Variants in DPY19L3 observed in about 807,000 individuals in gnomAD.
The protein encoded by DPY19L3 is dpy-19 like C-mannosyltransferase 3.
DPY19L3 carries 51 observed loss-of-function variants against 92.3 expected under a neutral mutation model. The observed-to-expected ratio is 0.55, with a 90% CI of 0.44 to 0.70. DPY19L3 has a LOEUF of 0.70. Among genes scored for constraint, DPY19L3 ranks in the 30% least tolerant of loss-of-function variants. The pLI, the probability that DPY19L3 is intolerant of heterozygous loss-of-function variation, is 0.00. For missense variants in DPY19L3, 706 were observed against 855.9 expected, an observed-to-expected ratio of 0.82 and a Z score of 2.18; for synonymous variants, 309 against 315.2, an observed-to-expected ratio of 0.98 and a Z score of 0.21.
chr19:32,429,718 A>G (rs1331725514), intron 3 of DPY19L3, among the ~76,000 whole-genome samples: 5 of 152,122 alleles, frequency 3.3e-5, no homozygotes, highest in Non-Finnish European at 1.5e-5. Flanking sequence ...GGATTTTCAC[A>G]CTCCTCAAGT....
chr19:32,460,693 C>G (rs1304816930), intron 12 of DPY19L3, among the ~76,000 whole-genome samples: 3 of 152,124 alleles, frequency 2.0e-5, no homozygotes. Flanking sequence ...CTTACGAATC[C>G]ACTGTGGTAT....
intron 3 of DPY19L3, among the ~76,000 whole-genome samples, chr19:32,425,359 G>A (rs996449221): frequency 2.0e-5 from 3 of 151,826 alleles, no homozygotes; most frequent in South Asian, 2.1e-4. Flanking sequence ...AAGACCAGCC[G>A]GGCCAAAATA....
chr19:32,451,564 A>T (rs962148811), intron 8 of DPY19L3, among the ~76,000 whole-genome samples: 39 of 152,212 alleles, frequency 2.6e-4, no homozygotes, highest in Non-Finnish European at 8.8e-5. Flanking sequence ...GAACAAAACC[A>T]TGGGGATAAT....
chr19:32,413,563 T>C (rs1968268871), intron 3 of DPY19L3, among the ~76,000 whole-genome samples: 1 of 151,958 alleles, frequency 6.6e-6, no homozygotes, highest in African/African-American at 2.4e-5. Context: ...ACTCGTCATC[T>C]AGCATTAGGT....
intron 8 of DPY19L3, among the ~76,000 whole-genome samples, chr19:32,441,488 G>T (rs1295840833): frequency 1.5e-5 from 2 of 131,740 alleles, no homozygotes; most frequent in Non-Finnish European, 3.1e-5. Context: ...TAATGAACAT[G>T]TGTCTCTTTT....
At chr19:32,407,268 C>CG (rs1035691159) in intron 1 of DPY19L3, among the ~76,000 whole-genome samples, 1 of 123,266 alleles carries the variant, frequency 8.1e-6, no homozygotes, top group Non-Finnish European at 1.8e-5. Context: ...TCCTGCTCCC[C>CG]CCCACCCATT....
At chr19:32,467,757 G>GTA (rs1970241605) in intron 15 of DPY19L3, 2 of 983,860 alleles carry the variant, frequency 2.0e-6, no homozygotes, top group African/African-American at 1.7e-5. Context: ...ACCTTAGAAT[G>GTA]TATATAGATA....
intron 10 of DPY19L3, among the ~76,000 whole-genome samples, chr19:32,455,858 A>G (rs1449729521): frequency 1.3e-5 from 2 of 152,160 alleles, no homozygotes; most frequent in Admixed American, 6.5e-5. Context: ...TATTAAAGGT[A>G]TAATTCTTGG....
At chr19:32,475,397 A>C (rs1175037050) in intron 16 of DPY19L3, among the ~76,000 whole-genome samples, 1 of 152,186 alleles carries the variant, frequency 6.6e-6, no homozygotes, top group Non-Finnish European at 1.5e-5. Context: ...CAGACTCATC[A>C]TGTTCTCTCT....
rs1347493381 is a variant in DPY19L3 at position 32,484,636 on chromosome 19, A to T, written c.*2396A>T. The T allele has an allele frequency of 6.6e-6, 1 of 152,172 alleles. No individual in the cohort carries two copies. The highest frequency in any genetic ancestry group is 1.5e-5 in the Non-Finnish European group (1 of 68,080). 9.4% of individuals were successfully genotyped at this position (152,172 alleles called of 1,614,324 possible). On this transcript the variant is annotated 3_prime_UTR_variant, in exon 19 of 19. Transcript: ENST00000392250. ...GCCCCGGAGTCTCCATCTCTCTCGT[A>T]AGCCACCTGCCACAGCACAGCTGGA...
intron 17 of DPY19L3, 115 bp downstream of exon 17, chr19:32,477,769 A>G: frequency 7.2e-7 from 1 of 1,388,738 alleles, no homozygotes; most frequent in Non-Finnish European, 9.7e-7. Flanking sequence ...GGTTAGGAGG[A>G]TGAATTAGTC....
intron 3 of DPY19L3, among the ~76,000 whole-genome samples, chr19:32,428,984 A>G (rs1164191502): frequency 1.3e-5 from 2 of 152,038 alleles, no homozygotes; most frequent in Non-Finnish European, 2.9e-5. Context: ...AGTAGCTGGG[A>G]TTACAGGCGC....
chr19:32,453,043 AT>A (rs1234355049), intron 8 of DPY19L3, 101 bp from the exon 9 acceptor site: 1 of 1,341,852 alleles, frequency 7.5e-7, no homozygotes. Flanking sequence ...TGTTTTCTGC[AT>A]TATTTGTAAG....
chr19:32,414,369 C>T (rs940066947), intron 3 of DPY19L3, among the ~76,000 whole-genome samples: 32 of 150,412 alleles, frequency 2.1e-4, no homozygotes, highest in Non-Finnish European at 4.7e-4. Flanking sequence ...TGCAGTGAGC[C>T]GTGATCGCAC....
Position 32,439,803 on chromosome 19 carries a change from T to C in DPY19L3, c.748T>C (p.Ser250Pro). ...ERLTLLAIFI[S>P]TFLFSLTWQF... ...GCTGACACTTCTTGCCATTTTCATA[T>C]CAACTTTTCTCTTTAGTCTGACATG... The change falls in exon 8 of 19, where the codon TCA (serine) becomes CCA (proline). Residue 250 changes from serine (S) to proline (P), a missense_variant. Transcript: ENST00000392250. 6.2e-7 allele frequency: 1 copy of C among 1,613,848 alleles called. No individual in the cohort carries two copies. Among genetic ancestry groups the C allele is most frequent in the Non-Finnish European group, 8.5e-7 (1 of 1,179,802 alleles).
chr19:32,439,149 A>T lies in DPY19L3; in HGVS notation c.634A>T (p.Arg212Trp). The T allele has an allele frequency of 6.2e-7, 1 of 1,613,558 alleles. No individual in the cohort carries two copies. The highest frequency in any genetic ancestry group is 8.5e-7 in the Non-Finnish European group (1 of 1,179,598). The change falls in exon 7 of 19, where the codon AGG (arginine) becomes TGG (tryptophan). Residue 212 changes from arginine (R) to tryptophan (W), a missense_variant. Coordinates refer to ENST00000392250, the MANE Select transcript of DPY19L3 (RefSeq NM_001172774.2). ...AAGAGTTGAGTTTACCATCCCACTG[A>T]GGGAGAACTGGGCGCTGCCATTCTT... Reference protein sequence around the residue: ...TTRVEFTIPLRENWALPFFAI... With the variant: ...TTRVEFTIPLWENWALPFFAI...
In DPY19L3 at chr19:32,411,160, C is replaced by A; in HGVS notation, c.104-79C>A. 2.2e-5 allele frequency: 32 copies of A among 1,455,802 alleles called. 1 individual carries two copies. The South Asian group carries it at 4.0e-4, about 18-fold the overall frequency. 90.2% of individuals were successfully genotyped at this position (1,455,802 alleles called of 1,614,324 possible). On this transcript the variant is annotated intron_variant, in intron 2 of 18. Transcript: ENST00000392250. ...GTGACAGGCAGCTAGACTTAGCTTA[C>A]TTGATAATCTGAAGTAGAACTATTA... is the stretch of plus-strand genomic sequence containing the variant.
At chr19:32,414,002 G>T (rs1432496944) in intron 3 of DPY19L3, among the ~76,000 whole-genome samples, 1 of 152,068 alleles carries the variant, frequency 6.6e-6, no homozygotes, top group African/African-American at 2.4e-5. Context: ...GGGATTATAG[G>T]TGTGAGCCGC....
rs201094114 is a variant in DPY19L3 at position 32,463,853 on chromosome 19, G to A, written c.1446-16G>A. On this transcript the variant is annotated splice_polypyrimidine_tract_variant and intron_variant, in intron 13 of 18. Coordinates refer to ENST00000392250, the MANE Select transcript of DPY19L3 (RefSeq NM_001172774.2). ...CAACTAGTACTTCTGACTTGCGCCT[G>A]TGTCTGTTCTTGCAGAATGAAGTAC... 5.0e-6 allele frequency: 8 copies of A among 1,604,916 alleles called. No individual in the cohort carries two copies. Among genetic ancestry groups the A allele is most frequent in the South Asian group, 2.2e-5 (2 of 90,684 alleles).
Sources: gnomAD v4.1 joint callset for allele counts (sites outside exome capture counted in the v4.1 genomes callset) on GRCh38, gnomAD v4.1.1 for gene constraint, MANE v1.5 for transcripts, NCBI Gene and HGNC (gene_info 2026-07-23, HGNC 2026-07-21) for gene names.